Variants in GATA4 observed in about 807,000 individuals in gnomAD.
The protein encoded by GATA4 is transcription factor GATA-4.
In GATA4, 7 loss-of-function variants were observed where a neutral mutation model predicts 37.9. That is an observed-to-expected ratio of 0.18 (90% confidence interval 0.11 to 0.35). GATA4 has a LOEUF of 0.35. GATA4 is among the 10% of genes least tolerant of loss of function. GATA4 has a pLI of 1.00. For synonymous variants in GATA4, 372 were observed against 292.6 expected (o/e 1.27, Z -2.77); for missense variants, 647 against 653.0 (o/e 0.99, Z 0.10).
At chr8:11,735,907 T>G (rs1218779687) in intron 2 of GATA4, among the ~76,000 whole-genome samples, 1 of 149,606 alleles carries the variant, frequency 6.7e-6, no homozygotes, top group Non-Finnish European at 1.5e-5. Context: ...GTTTGCCTGT[T>G]TGAAAAAAAA....
At chr8:11,701,510 C>A (rs1413125884), upstream of GATA4, among the ~76,000 whole-genome samples, 1 of 152,266 alleles carries the variant, frequency 6.6e-6, no homozygotes, top group African/African-American at 2.4e-5. Context: ...GGCGGCCCAG[C>A]GAGGCCTTGA....
chr8:11,737,244 C>G (rs984203446), intron 2 of GATA4, among the ~76,000 whole-genome samples: 3 of 152,042 alleles, frequency 2.0e-5, no homozygotes, highest in East Asian at 3.9e-4. Context: ...AAATGCCTCC[C>G]TAGCATTCAG....
chr8:11,711,510 G>T (rs1563202327), intron 2 of GATA4, among the ~76,000 whole-genome samples: 1 of 151,854 alleles, frequency 6.6e-6, no homozygotes, highest in Non-Finnish European at 1.5e-5. Flanking sequence ...AGGCGCAGAG[G>T]CTCATGCCTG....
intron 2 of GATA4, among the ~76,000 whole-genome samples, chr8:11,744,191 A>G (rs1424693634): frequency 6.6e-6 from 1 of 152,060 alleles, no homozygotes; most frequent in Non-Finnish European, 1.5e-5. Context: ...CCCCTCCTCC[A>G]ATAACCAGCG....
upstream of GATA4, among the ~76,000 whole-genome samples, chr8:11,688,523 T>TGC (rs1489377631): frequency 2.9e-5 from 3 of 102,048 alleles, no homozygotes; most frequent in African/African-American, 5.8e-5. Context: ...CGTGCGCGCA[T>TGC]GCACACACAC....
chr8:11,683,953 C>G (rs901793002), intron 1 of GATA4, among the ~76,000 whole-genome samples: 1 of 152,208 alleles, frequency 6.6e-6, no homozygotes, highest in Admixed American at 6.5e-5. Flanking sequence ...TTAGCCTGCC[C>G]ACACCTAAAC....
chr8:11,730,930 A>T (rs10096189), intron 2 of GATA4, among the ~76,000 whole-genome samples: 24,481 of 152,202 alleles, frequency 0.16, 3,262 homozygotes, highest in East Asian at 0.73. Flanking sequence ...ATTTCAGGGC[A>T]TGTGGCCCAG....
chr8:11,752,385 T>C (rs1410890980), intron 4 of GATA4, among the ~76,000 whole-genome samples: 1 of 152,182 alleles, frequency 6.6e-6, no homozygotes, highest in Non-Finnish European at 1.5e-5. Context: ...CTCACAATCA[T>C]GGCGGAAGGT....
chr8:11,705,761 A>G (rs1214674979), intron 1 of GATA4, among the ~76,000 whole-genome samples: 1 of 152,212 alleles, frequency 6.6e-6, no homozygotes, highest in Non-Finnish European at 1.5e-5. Flanking sequence ...CTCAGGCACT[A>G]TATCAGCCAT....
intron 2 of GATA4, among the ~76,000 whole-genome samples, chr8:11,735,972 G>A (rs527674024): frequency 2.0e-5 from 3 of 152,250 alleles, no homozygotes; most frequent in Middle Eastern, 3.4e-3. Flanking sequence ...GTGTGGTGGT[G>A]CGATCATAAC....
At chr8:11,717,222 G>A (rs940017047) in intron 2 of GATA4, among the ~76,000 whole-genome samples, 5 of 152,144 alleles carry the variant, frequency 3.3e-5, no homozygotes, top group African/African-American at 9.7e-5. Flanking sequence ...AAATATAAAT[G>A]GGGTTATAAT....
upstream of GATA4, among the ~76,000 whole-genome samples, chr8:11,702,223 T>G (rs1799700818): frequency 6.6e-6 from 1 of 152,136 alleles, no homozygotes; most frequent in Admixed American, 6.5e-5. The surrounding 1 kb of genome is among the most constrained non-coding windows in gnomAD (Gnocchi z 4.4). Context: ...CGCCAGACAC[T>G]AAGCCCCAAG....
In GATA4 at chr8:11,749,563, G is replaced by C. The variant is rs1338957257; in HGVS notation, c.786+478G>C. Among the ~76,000 whole-genome samples the C allele has an allele frequency of 1.3e-5, 2 of 152,226 alleles. No individual in the cohort carries two copies. The highest frequency in any genetic ancestry group is 2.9e-5 in the Non-Finnish European group (2 of 68,044). On this transcript the variant is annotated intron_variant, in intron 3 of 6. Transcript: ENST00000532059. This position sits in a 1 kb window ranked among gnomAD's most constrained non-coding sequence, Gnocchi z 4.6. ...GGGCCCCGTGGCTAGGGAAGAGTTT[G>C]GGCCTGGGGCTTGGCTCCTGGCTTC...
intron 2 of GATA4, among the ~76,000 whole-genome samples, chr8:11,723,782 T>C (rs1338204936): frequency 6.6e-6 from 1 of 152,250 alleles, no homozygotes; most frequent in Admixed American, 6.5e-5. Flanking sequence ...TTTTACTTGC[T>C]TCATTCATCT....
chr8:11,720,204 G>T (rs562215017), intron 2 of GATA4, among the ~76,000 whole-genome samples: 4 of 151,842 alleles, frequency 2.6e-5, no homozygotes, highest in Admixed American at 2.0e-4. Context: ...TGGTGAGAAG[G>T]ACTGCTCTAC....
chr8:11,741,155 C>T (rs1801718674), intron 2 of GATA4, among the ~76,000 whole-genome samples: 1 of 152,150 alleles, frequency 6.6e-6, no homozygotes, highest in Non-Finnish European at 1.5e-5. Flanking sequence ...GTCTTATTCA[C>T]CACCATACTT....
chr8:11,692,748 G>A, intron 1 of GATA4: 1 of 983,604 alleles, frequency 1.0e-6, no homozygotes, highest in African/African-American at 1.7e-5. Context: ...CCACGCGAGG[G>A]CGCGGACGGA....
intron 2 of GATA4, among the ~76,000 whole-genome samples, chr8:11,733,898 G>A (rs1801327771): frequency 1.3e-5 from 2 of 152,198 alleles, no homozygotes; most frequent in East Asian, 3.9e-4. Flanking sequence ...CTTCCACACA[G>A]AGGCATTAAG....
intron 1 of GATA4, chr8:11,698,129 C>T (rs2130010150): frequency 2.1e-6 from 1 of 472,976 alleles, no homozygotes; most frequent in East Asian, 1.5e-4. Context: ...CTCTCTGCGT[C>T]GCCAAGTCTC....
Sources: gnomAD v4.1 joint callset for allele counts (sites outside exome capture counted in the v4.1 genomes callset) on GRCh38, gnomAD v4.1.1 for gene constraint, Gnocchi (gnomAD v3.1) non-coding constraint, MANE v1.5 for transcripts, NCBI Gene and HGNC (gene_info 2026-07-23, HGNC 2026-07-21) for gene names.